PPARGC1A: variants seen among roughly 807,000 people sequenced by gnomAD.
PPARGC1A encodes peroxisome proliferator-activated receptor gamma coactivator 1-alpha.
PPARGC1A carries 25 observed loss-of-function variants against 88.7 expected under a neutral mutation model. That is an observed-to-expected ratio of 0.28 (90% CI 0.21 to 0.39). The LOEUF (loss-of-function observed/expected upper bound fraction) is 0.39. Among genes scored for constraint, PPARGC1A ranks in the 10% least tolerant of loss-of-function variants. The pLI, the probability that PPARGC1A is intolerant of heterozygous loss-of-function variation, is 1.00. For missense variants in PPARGC1A, 880 were observed against 968.7 expected (o/e 0.91, Z 1.22); for synonymous variants, 363 against 355.6 (o/e 1.02, Z -0.24).
At chr4:24,421,052 C>T in the PPARGC1A span, among the ~76,000 whole-genome samples, 1 of 152,122 alleles carries the variant, frequency 6.6e-6, no homozygotes, top group Non-Finnish European at 1.5e-5. Flanking sequence ...TCCCAATGAC[C>T]CCATCCTCTC....
chr4:23,919,987 C>G, the PPARGC1A span, among the ~76,000 whole-genome samples: 1 of 152,098 alleles, frequency 6.6e-6, no homozygotes, highest in Admixed American at 6.5e-5. Flanking sequence ...TCACCAGTGT[C>G]GAGTGAGAGG....
the PPARGC1A span, among the ~76,000 whole-genome samples, chr4:24,418,455 G>A: frequency 2.0e-5 from 3 of 152,044 alleles, no homozygotes; most frequent in Non-Finnish European, 4.4e-5. Flanking sequence ...GGCAGGTCCT[G>A]GAGATGCAAT....
the PPARGC1A span, among the ~76,000 whole-genome samples, chr4:23,951,269 G>C: frequency 6.6e-6 from 1 of 152,092 alleles, no homozygotes; most frequent in Admixed American, 6.6e-5. Context: ...TTACATGCAT[G>C]ATGAGAAGTG....
the PPARGC1A span, among the ~76,000 whole-genome samples, chr4:24,170,761 G>C: frequency 4.6e-5 from 7 of 152,280 alleles, no homozygotes; most frequent in Non-Finnish European, 7.4e-5. Flanking sequence ...GTCCTATCCA[G>C]CTGAGCATTT....
chr4:24,384,216 A>G, the PPARGC1A span, among the ~76,000 whole-genome samples: 4 of 152,326 alleles, frequency 2.6e-5, no homozygotes, highest in East Asian at 7.7e-4. Context: ...TCTGCCTTAC[A>G]AGAGCTCATG....
At chr4:23,987,972 G>T in the PPARGC1A span, among the ~76,000 whole-genome samples, 1 of 150,360 alleles carries the variant, frequency 6.7e-6, no homozygotes, top group South Asian at 2.1e-4. Context: ...CCCAGTGTAT[G>T]ATGTTCCCTT....
chr4:23,879,734 C>G (rs558328731), intron 2 of PPARGC1A, among the ~76,000 whole-genome samples: 1 of 152,268 alleles, frequency 6.6e-6, no homozygotes, highest in East Asian at 1.9e-4. Context: ...ACACCTCTTA[C>G]GACTGTCAGC....
At chr4:24,081,193 A>G in the PPARGC1A span, among the ~76,000 whole-genome samples, 1 of 152,212 alleles carries the variant, frequency 6.6e-6, no homozygotes. Flanking sequence ...CAACACAAAT[A>G]AAGCTATATC....
At chr4:24,072,955 A>G in the PPARGC1A span, among the ~76,000 whole-genome samples, 1 of 152,202 alleles carries the variant, frequency 6.6e-6, no homozygotes, top group East Asian at 1.9e-4. Context: ...AGGGATTCAT[A>G]CACAGAAAAG....
the PPARGC1A span, among the ~76,000 whole-genome samples, chr4:24,187,884 G>C: frequency 6.6e-6 from 1 of 152,176 alleles, no homozygotes; most frequent in African/African-American, 2.4e-5. Context: ...CCTTGAACGA[G>C]AATAACATGA....
At chr4:23,877,360 C>CAAAAAAAAAA (rs551447166) in intron 2 of PPARGC1A, among the ~76,000 whole-genome samples, 2 of 62,818 alleles carry the variant, frequency 3.2e-5, no homozygotes, top group African/African-American at 7.2e-5. Context: ...ACTAAAAATA[C>CAAAAAAAAAA]AAAAAAAAAA....
the PPARGC1A span, among the ~76,000 whole-genome samples, chr4:24,006,067 T>G: frequency 1.6e-4 from 24 of 152,272 alleles, 1 homozygote; most frequent in Admixed American, 1.5e-3. Flanking sequence ...TTTTGCTTTT[T>G]TGAGATGGAG....
intron 1 of PPARGC1A, among the ~76,000 whole-genome samples, chr4:23,887,805 A>C (rs185510532): frequency 1.7e-3 from 262 of 152,318 alleles, no homozygotes; most frequent in African/African-American, 5.8e-3. Flanking sequence ...TATTAATGAA[A>C]AAAGAAACTG....
the PPARGC1A span, among the ~76,000 whole-genome samples, chr4:24,000,160 CAAT>C: frequency 6.6e-6 from 1 of 151,952 alleles, no homozygotes; most frequent in African/African-American, 2.4e-5. Context: ...TGAATGACAA[CAAT>C]GTCTTCCACA....
At chr4:24,079,406 A>G in the PPARGC1A span, among the ~76,000 whole-genome samples, 1,683 of 152,086 alleles carry the variant, frequency 0.011, 26 homozygotes, top group African/African-American at 0.039. Context: ...TATTGGTAAC[A>G]TATATCTTCT....
At chr4:24,310,706 AAAAC>A in the PPARGC1A span, among the ~76,000 whole-genome samples, 789 of 152,348 alleles carry the variant, frequency 5.2e-3, 40 homozygotes, top group East Asian at 0.076. Flanking sequence ...ATTGCCTACT[AAAAC>A]AAACAAACGA....
At chr4:23,855,695 A>C (rs1009465202) in intron 2 of PPARGC1A, among the ~76,000 whole-genome samples, 11 of 152,176 alleles carry the variant, frequency 7.2e-5, no homozygotes, top group Admixed American at 1.3e-4. Context: ...TTCTCATCCC[A>C]TGGGAGAGAC....
chr4:23,933,784 T>G, the PPARGC1A span, among the ~76,000 whole-genome samples: 1 of 152,216 alleles, frequency 6.6e-6, no homozygotes, highest in East Asian at 1.9e-4. Flanking sequence ...ATACATCACC[T>G]AATCATTCAT....
chr4:24,182,432 A>G, the PPARGC1A span, among the ~76,000 whole-genome samples: 16 of 152,154 alleles, frequency 1.1e-4, no homozygotes, highest in African/African-American at 3.9e-4. Flanking sequence ...AGTCTTTGCT[A>G]TTGTAAATAG....
Sources: gnomAD v4.1 joint callset for allele counts (sites outside exome capture counted in the v4.1 genomes callset) on GRCh38, gnomAD v4.1.1 for gene constraint, MANE v1.5 for transcripts, NCBI Gene and HGNC (gene_info 2026-07-23, HGNC 2026-07-21) for gene names.